The following SEPTIN10 variants were observed in gnomAD, a reference collection of about 807,000 sequenced individuals.
SEPTIN10 encodes the protein septin-10.
In SEPTIN10, 66 loss-of-function variants were observed where a neutral mutation model predicts 54.8. The ratio of observed to expected loss-of-function variants is 1.21; its 90% CI spans 0.99 to 1.48. SEPTIN10 has a LOEUF of 1.48. Among genes scored for constraint, SEPTIN10 ranks in the 40% most tolerant of loss-of-function variants. The pLI, the probability that SEPTIN10 is intolerant of heterozygous loss-of-function variation, is 0.00. For synonymous variants in SEPTIN10, 161 were observed against 181.0 expected (o/e 0.89, Z 0.89); for missense variants, 620 against 545.6 (o/e 1.14, Z -1.36).
At chr2:109,557,951 G>A (rs1029167101) in intron 8 of SEPTIN10, among the ~76,000 whole-genome samples, 5 of 150,780 alleles carry the variant, frequency 3.3e-5, no homozygotes, top group Admixed American at 1.3e-4. Context: ...TGCCACCACA[G>A]CTGGTTAATT....
At chr2:109,575,805 T>C (rs1689551896) in intron 4 of SEPTIN10, among the ~76,000 whole-genome samples, 1 of 152,232 alleles carries the variant, frequency 6.6e-6, no homozygotes. Flanking sequence ...ACTTAATAAA[T>C]GTGTACAAAA....
chr2:109,550,557 A>G (rs1682668184), intron 9 of SEPTIN10, among the ~76,000 whole-genome samples: 1 of 151,938 alleles, frequency 6.6e-6, no homozygotes, highest in African/African-American at 2.4e-5. Context: ...CAAGTGATCC[A>G]CCCACCTCGG....
chr2:109,603,984 AC>A (rs1406957185), intron 1 of SEPTIN10, among the ~76,000 whole-genome samples: 1 of 151,226 alleles, frequency 6.6e-6, no homozygotes, highest in Admixed American at 6.6e-5. Flanking sequence ...ACACGGTGAA[AC>A]CCCATCTCTA....
intron 1 of SEPTIN10, among the ~76,000 whole-genome samples, chr2:109,601,721 T>C (rs1696624055): frequency 6.6e-6 from 1 of 152,038 alleles, no homozygotes; most frequent in Non-Finnish European, 1.5e-5. Context: ...TTACGGCTTC[T>C]TCCTTAAATA....
At position 109,564,498 on chromosome 2, in the gene SEPTIN10, C is replaced by A; in HGVS notation, c.896G>T (p.Arg299Leu). The A allele has an allele frequency of 1.3e-6, 2 of 1,556,774 alleles. No individual in the cohort carries two copies. Among genetic ancestry groups the A allele is most frequent in the Non-Finnish European group, 1.7e-6 (2 of 1,143,822 alleles). ...CATATTTGTACAAATGAGCATTTCC[C>A]GCAGCTTTACAAAGTCACAGTGGTT... ...NENHCDFVKL[R>L]EMLICTNMED... Residue 299 changes from arginine to leucine, a missense_variant, in exon 8 of 11, where the codon CGG (arginine) becomes CTG (leucine). Transcript: ENST00000397712.
Position 109,589,321 on chromosome 2 carries a change from C to T in SEPTIN10, c.100-3483G>A, listed in dbSNP as rs540733427. 2.6e-5 allele frequency among the ~76,000 whole-genome samples: 4 copies of T among 152,050 alleles called. 1 individual carries two copies. Among genetic ancestry groups the T allele is most frequent in the African/African-American group, 9.6e-5 (4 of 41,480 alleles). On this transcript the variant is annotated intron_variant, in intron 2 of 10. Transcript: ENST00000397712. The stretch of plus-strand genomic sequence containing the variant: ...GCCAAGGCAGGCAGGTTACTTGAGG[C>T]CAGGAGTTTGAAACCAACCTGGCCA...
At chr2:109,568,398 G>C (rs1325861222) in intron 5 of SEPTIN10, among the ~76,000 whole-genome samples, 2 of 144,870 alleles carry the variant, frequency 1.4e-5, no homozygotes, top group Non-Finnish European at 3.0e-5. Context: ...TTTTGAGATG[G>C]AGTCTCGCTG....
intron 5 of SEPTIN10, 47 bp from the exon 6 acceptor site, chr2:109,568,023 T>G: frequency 7.0e-7 from 1 of 1,419,260 alleles, no homozygotes; most frequent in Non-Finnish European, 9.5e-7. Flanking sequence ...ATTTTTTTTT[T>G]TAATCCTGCA....
At chr2:109,554,595 A>G (rs1437511396) in intron 8 of SEPTIN10, among the ~76,000 whole-genome samples, 1 of 152,184 alleles carries the variant, frequency 6.6e-6, no homozygotes, top group Non-Finnish European at 1.5e-5. Flanking sequence ...TGAAGAACCC[A>G]GAGAAAACCT....
intron 4 of SEPTIN10, 62 bp downstream of exon 4, chr2:109,585,064 G>T: frequency 2.1e-6 from 2 of 940,972 alleles, no homozygotes; most frequent in Non-Finnish European, 3.1e-6. Context: ...AGTTCATGGG[G>T]CTATAAGGCG....
chr2:109,548,190 A>C (rs990126980), intron 9 of SEPTIN10, among the ~76,000 whole-genome samples: 5 of 152,130 alleles, frequency 3.3e-5, no homozygotes, highest in African/African-American at 7.2e-5. Context: ...AAAAAAAAAA[A>C]ACTAGGGTCT....
At chr2:109,557,495 GAT>G (rs1250789800) in intron 8 of SEPTIN10, among the ~76,000 whole-genome samples, 1 of 152,224 alleles carries the variant, frequency 6.6e-6, no homozygotes, top group Non-Finnish European at 1.5e-5. Context: ...ATTTGAACCA[GAT>G]TAGACTTGTT....
intron 2 of SEPTIN10, among the ~76,000 whole-genome samples, chr2:109,587,552 C>T (rs1318960842): frequency 6.6e-6 from 1 of 152,138 alleles, no homozygotes; most frequent in East Asian, 1.9e-4. Flanking sequence ...CAGCAAACTA[C>T]AAACAGGAAA....
At position 109,579,385 on chromosome 2, in the gene SEPTIN10, C is replaced by CT. The variant is rs150577425; in HGVS notation, c.414-4619dup. 4.0e-3 allele frequency among the ~76,000 whole-genome samples: 552 copies of CT among 139,364 alleles called. 3 individuals carry two copies. The highest frequency in any genetic ancestry group is 9.0e-3 in the African/African-American group (344 of 38,246). The allele number at this position is 139,364 out of a possible 152,430, so 91.4% of individuals were successfully genotyped here. ...TCTGATCTTGTAACTCCAGGCCCTC[C>CT]TTTTTTTTTTTTTTTGAGATGGAGT... On this transcript the variant is annotated intron_variant, in intron 4 of 10. Coordinates refer to ENST00000397712, the MANE Select transcript of SEPTIN10 (RefSeq NM_144710.5).
chr2:109,577,435 A>C (rs1329176562), intron 4 of SEPTIN10, among the ~76,000 whole-genome samples: 1 of 151,634 alleles, frequency 6.6e-6, no homozygotes, highest in African/African-American at 2.4e-5. Context: ...CTCTGCAAAA[A>C]CACAAAAATT....
chr2:109,552,003 T>C (rs954611382), intron 9 of SEPTIN10, among the ~76,000 whole-genome samples: 1 of 152,148 alleles, frequency 6.6e-6, no homozygotes, highest in African/African-American at 2.4e-5. Flanking sequence ...CTACACAGTA[T>C]AAGGTGAGTG....
intron 4 of SEPTIN10, among the ~76,000 whole-genome samples, chr2:109,580,348 GCAA>G (rs1558810606): frequency 3.0e-5 from 2 of 66,298 alleles, no homozygotes; most frequent in Admixed American, 1.8e-4. Flanking sequence ...TCCATAAAAT[GCAA>G]AAAAAAAAAA....
chr2:109,585,739 A>G lies in SEPTIN10; in HGVS notation c.199T>C (p.Phe67Leu). 1.2e-6 allele frequency: 2 copies of G among 1,613,098 alleles called. No homozygotes were observed. The highest frequency in any genetic ancestry group is 8.5e-7 in the Non-Finnish European group (1 of 1,179,640). ...VNRSIQQGFC[F>L]NILCVGETGI... ...CACGTACCCACACAGAGAATATTAA[A>G]GCAGAAACCTTGCTGAATGGATCTG... is the stretch of plus-strand genomic sequence containing the variant. Residue 67 changes from phenylalanine (F) to leucine (L), a missense_variant, in exon 3 of 11, where the codon TTT (phenylalanine) becomes CTT (leucine). Physicochemically the swap from Phe to Leu is conservative, Grantham distance 22. Coordinates refer to ENST00000397712, the MANE Select transcript of SEPTIN10 (RefSeq NM_144710.5).
intron 1 of SEPTIN10, among the ~76,000 whole-genome samples, chr2:109,598,341 T>G (rs897883750): frequency 6.6e-6 from 1 of 152,088 alleles, no homozygotes; most frequent in Non-Finnish European, 1.5e-5. Context: ...GTGCTGGGAT[T>G]ATAGGCGTGA....
Sources: gnomAD v4.1 joint callset for allele counts (sites outside exome capture counted in the v4.1 genomes callset) on GRCh38, gnomAD v4.1.1 for gene constraint, MANE v1.5 for transcripts, NCBI Gene and HGNC (gene_info 2026-07-23, HGNC 2026-07-21) for gene names.